RNF216: variants seen among roughly 807,000 people sequenced by gnomAD.
RNF216 encodes E3 ubiquitin-protein ligase RNF216.
RNF216 carries 72 observed loss-of-function variants against 110.8 expected under a neutral mutation model. The ratio of observed to expected loss-of-function variants is 0.65; its 90% CI spans 0.54 to 0.79. The LOEUF is 0.79. RNF216 is among the 30% of genes least tolerant of loss of function. The pLI, the probability that RNF216 is intolerant of heterozygous loss-of-function variation, is 0.00. For synonymous variants in RNF216, 495 were observed against 407.5 expected (o/e 1.21, Z -2.59); for missense variants, 1,342 against 1,141.2 (o/e 1.18, Z -2.54).
chr7:5,754,260 A>G (rs1274598751), intron 2 of RNF216, among the ~76,000 whole-genome samples: 4 of 151,628 alleles, frequency 2.6e-5, no homozygotes, highest in South Asian at 2.1e-4. Flanking sequence ...GGCTCAAGCA[A>G]TCCTCCCATG....
chr7:5,691,679 A>C (rs1290598084), intron 13 of RNF216, among the ~76,000 whole-genome samples: 2 of 152,248 alleles, frequency 1.3e-5, no homozygotes, highest in South Asian at 4.1e-4. Flanking sequence ...AGAATCTTCT[A>C]TCTGGCATGG....
chr7:5,732,086 G>A (rs1794126836), intron 5 of RNF216, among the ~76,000 whole-genome samples: 1 of 152,090 alleles, frequency 6.6e-6, no homozygotes, highest in Admixed American at 6.6e-5. Context: ...CAACGCCTGA[G>A]GCCCAAAGAG....
chr7:5,756,037 T>C (rs1308628901), intron 2 of RNF216, among the ~76,000 whole-genome samples: 1 of 152,132 alleles, frequency 6.6e-6, no homozygotes, highest in African/African-American at 2.4e-5. Flanking sequence ...AATCCCATAA[T>C]CCCCACAAGT....
intron 1 of RNF216, among the ~76,000 whole-genome samples, chr7:5,764,794 C>T (rs1299886333): frequency 6.6e-6 from 1 of 152,216 alleles, no homozygotes; most frequent in African/African-American, 2.4e-5. Flanking sequence ...CGGCTGGGTG[C>T]AGTGGCTCAT....
chr7:5,743,718 G>A (rs754286695), intron 3 of RNF216, among the ~76,000 whole-genome samples: 34 of 152,176 alleles, frequency 2.2e-4, no homozygotes, highest in Non-Finnish European at 3.5e-4. Context: ...TGCTAAACTG[G>A]TAACAACAGT....
intron 14 of RNF216, among the ~76,000 whole-genome samples, chr7:5,646,489 C>G (rs1047562248): frequency 6.3e-4 from 96 of 152,008 alleles, no homozygotes; most frequent in African/African-American, 2.3e-3. Flanking sequence ...GTCCGGAGAT[C>G]GAGACTATCC....
chr7:5,710,503 CT>C (rs1792608634), intron 13 of RNF216, among the ~76,000 whole-genome samples: 3 of 152,286 alleles, frequency 2.0e-5, no homozygotes, highest in Admixed American at 2.0e-4. Context: ...TTCCCAGCTC[CT>C]TCTAAGCAAC....
Position 5,741,518 on chromosome 7 carries a change from T to C in RNF216, c.499A>G (p.Asn167Asp), listed in dbSNP as rs567698474. 26 of 1,614,200 alleles carry C rather than the reference T, an allele frequency of 1.6e-5. No homozygotes were observed. The highest frequency in any genetic ancestry group is 7.7e-5 in the South Asian group (7 of 91,090). Residue 167 changes from asparagine (N) to aspartate (D), a missense_variant, in exon 4 of 17, where the codon AAT becomes GAT. By Grantham distance (23) the Asn-to-Asp change is conservative (BLOSUM62 1). Transcript: ENST00000389902. Reference sequence around the variant, plus strand: ...TCTGATCTGGGGTTGACAATGTCATTTGCTGCTTGGTTATGACTCGGTCCA... The same window carrying C: ...TCTGATCTGGGGTTGACAATGTCATCTGCTGCTTGGTTATGACTCGGTCCA... ...KPGPSHNQAA[N>D]DIVNPRSEQK... is the part of the protein sequence containing the mutation.
At chr7:5,667,801 A>G (rs999630961) in intron 13 of RNF216, among the ~76,000 whole-genome samples, 2 of 152,106 alleles carry the variant, frequency 1.3e-5, no homozygotes, top group African/African-American at 4.8e-5. Context: ...TAGGACAAAG[A>G]CCATCTTGAC....
intron 2 of RNF216, among the ~76,000 whole-genome samples, chr7:5,755,178 AAAGG>A (rs1374172433): frequency 2.1e-5 from 3 of 145,656 alleles, no homozygotes; most frequent in African/African-American, 7.6e-5. Context: ...GAAAGAGAGG[AAAGG>A]AAGAAGGAAG....
intron 13 of RNF216, among the ~76,000 whole-genome samples, chr7:5,688,797 A>C (rs926860426): frequency 6.6e-6 from 1 of 152,124 alleles, no homozygotes; most frequent in African/African-American, 2.4e-5. Context: ...CAGTTTATTT[A>C]GCTTTCTTAT....
chr7:5,735,619 G>C (rs1794350837), intron 5 of RNF216, among the ~76,000 whole-genome samples: 1 of 152,190 alleles, frequency 6.6e-6, no homozygotes, highest in Non-Finnish European at 1.5e-5. Context: ...AAATCATCCA[G>C]AACGCATCTC....
intron 2 of RNF216, among the ~76,000 whole-genome samples, chr7:5,758,099 A>G (rs1005952228): frequency 2.0e-5 from 3 of 152,238 alleles, no homozygotes; most frequent in Non-Finnish European, 4.4e-5. Flanking sequence ...AACAAAATAT[A>G]TCTCCAAAGT....
In RNF216 at chr7:5,641,239, C is replaced by T. The variant is rs759805072; in HGVS notation, c.2297G>A (p.Gly766Glu). 2 of 1,614,032 alleles carry T rather than the reference C, an allele frequency of 1.2e-6. No individual in the cohort carries two copies. The change falls in exon 15 of 17, where the codon GGA (glycine) becomes GAA (glutamate). Residue 766 changes from glycine (G) to glutamate (E), a missense_variant. Gly to Glu is a moderately conservative substitution (Grantham distance 98). Transcript: ENST00000389902. The part of the protein sequence containing the change: ...MCYLCRVSIN[G>E]YDHFCQHPRS... ...GGGATGTTGGCAGAAATGGTCATAT[C>T]CATTAATAGAAACTCGACAGAGGTA...
intron 1 of RNF216, among the ~76,000 whole-genome samples, chr7:5,776,379 G>A (rs989405015): frequency 7.3e-4 from 110 of 151,246 alleles, no homozygotes; most frequent in African/African-American, 1.1e-3. Flanking sequence ...GTCAGGAGAC[G>A]GAGACCATCC....
At chr7:5,770,624 A>G (rs1164805429) in intron 1 of RNF216, among the ~76,000 whole-genome samples, 1 of 152,098 alleles carries the variant, frequency 6.6e-6, no homozygotes, top group Non-Finnish European at 1.5e-5. Flanking sequence ...ATAGATATAT[A>G]CTAGATGACT....
At position 5,715,086 on chromosome 7, in the gene RNF216, T is replaced by C; in HGVS notation, c.1800A>G (p.Arg600=). The change falls in exon 11 of 17, where the codon AGA becomes AGG. Residue 600 remains arginine (R), a synonymous_variant. Transcript: ENST00000389902. ...ATCCAAAGACTGCCTCTTGGGCATA[T>C]CTGATGAGACACTCTTTGCAGAACA... The part of the protein sequence containing the change: ...AHLFCKECLI[R]YAQEAVFGSG... The C allele has an allele frequency of 1.2e-6, 2 of 1,613,856 alleles. No homozygotes were observed. The highest frequency in any genetic ancestry group is 1.3e-5 in the African/African-American group (1 of 75,060).
At chr7:5,736,213 CCCTGCCTGATTCT>C (rs1230926645) in intron 5 of RNF216, among the ~76,000 whole-genome samples, 11 of 152,210 alleles carry the variant, frequency 7.2e-5, no homozygotes, top group Non-Finnish European at 1.5e-4. Flanking sequence ...ACTGCAACCT[CCCTGCCTGATTCT>C]CCTGCCTCAG....
intron 13 of RNF216, among the ~76,000 whole-genome samples, chr7:5,675,795 C>T (rs921480800): frequency 2.0e-5 from 3 of 150,566 alleles, no homozygotes; most frequent in South Asian, 2.1e-4. Context: ...CTGAAACCTC[C>T]GCCTCCTGGG....
Sources: gnomAD v4.1 joint callset for allele counts (sites outside exome capture counted in the v4.1 genomes callset) on GRCh38, gnomAD v4.1.1 for gene constraint, MANE v1.5 for transcripts, NCBI Gene and HGNC (gene_info 2026-07-23, HGNC 2026-07-21) for gene names.